SLCO1B3: variants seen among roughly 807,000 people sequenced by gnomAD.
SLCO1B3 encodes the protein liver-specific organic anion transporter 2.
A neutral mutation model predicts 71.8 loss-of-function variants in SLCO1B3; 72 were observed. The ratio of observed to expected loss-of-function variants is 1.00; its 90% CI spans 0.83 to 1.22. The LOEUF is 1.22. SLCO1B3 is among the 50% of genes most tolerant of loss of function. The pLI is 0.00. For missense variants in SLCO1B3, 911 were observed against 819.7 expected, an observed-to-expected ratio of 1.11 and a Z score of -1.36; for synonymous variants, 298 against 278.4, an observed-to-expected ratio of 1.07 and a Z score of -0.70.
rs1157240613 is a variant in SLCO1B3 at position 20,862,965 on chromosome 12, A to G, written c.727+111A>G. 32 of 545,332 alleles carry G rather than the reference A, an allele frequency of 5.9e-5. No individual in the cohort carries two copies. The East Asian group carries it at 9.9e-4, about 17-fold the overall frequency. 33.8% of individuals were successfully genotyped at this position (545,332 alleles called of 1,614,324 possible). A position where few individuals can be genotyped will look rare whatever the true frequency, so the allele number is the denominator to read the frequency against. On this transcript the variant is annotated intron_variant, in intron 8 of 15. Coordinates refer to ENST00000381545, the MANE Select transcript of SLCO1B3 (RefSeq NM_019844.4). ...ATAGTTCTTTGTTTACTATTTTTCA[A>G]GAGTTACAAGTAGGAAATAAATCCA...
At chr12:20,836,587 A>G in intron 3 of SLCO1B3, among the ~76,000 whole-genome samples, 1 of 152,116 alleles carries the variant, frequency 6.6e-6, no homozygotes, top group East Asian at 1.9e-4. Flanking sequence ...TGTTTCTTAA[A>G]TGTTTGGTAT....
chr12:20,830,642 C>T (rs1000391239), intron 3 of SLCO1B3, among the ~76,000 whole-genome samples: 3 of 152,100 alleles, frequency 2.0e-5, no homozygotes, highest in South Asian at 2.1e-4. Context: ...TTTCTTTTGG[C>T]ATAGTAAATT....
chr12:20,817,622 C>G (rs11836444), intron 3 of SLCO1B3, among the ~76,000 whole-genome samples: 59 of 151,914 alleles, frequency 3.9e-4, no homozygotes, highest in Non-Finnish European at 6.5e-4. Flanking sequence ...GAGTCTCGCT[C>G]TGTCACCCAG....
In SLCO1B3 at chr12:20,916,371, A is replaced by T; in HGVS notation, c.*124A>T. The T allele has an allele frequency of 1.1e-6, 1 of 871,000 alleles. No individual in the cohort carries two copies. Among genetic ancestry groups the T allele is most frequent in the Admixed American group, 2.5e-5 (1 of 39,628 alleles). The allele number at this position is 871,000 out of a possible 1,614,324, so 54.0% of individuals were successfully genotyped here. ...TATGCATCTATAATAAACTATAAAA[A>T]ATGGGAGTACCCATGGTTAGGATAT... is the stretch of plus-strand genomic sequence containing the variant. On this transcript the variant is annotated 3_prime_UTR_variant, in exon 16 of 16. Transcript: ENST00000381545.
chr12:20,860,673 T>C (rs1469725), intron 5 of SLCO1B3, among the ~76,000 whole-genome samples: 108,824 of 150,098 alleles, frequency 0.73, 42,077 homozygotes, highest in South Asian at 0.9. Context: ...CCATCTTTGA[T>C]GGTAACTCAA....
chr12:20,870,874 T>G (rs969141750), intron 8 of SLCO1B3, among the ~76,000 whole-genome samples: 1 of 152,184 alleles, frequency 6.6e-6, no homozygotes, highest in Non-Finnish European at 1.5e-5. Flanking sequence ...ATTCCCAGAT[T>G]TTTGAGGGCT....
chr12:20,873,359 TTTTG>T (rs960869470), intron 8 of SLCO1B3, among the ~76,000 whole-genome samples: 1 of 151,802 alleles, frequency 6.6e-6, no homozygotes, highest in African/African-American at 2.4e-5. Flanking sequence ...TTGTTTTTGT[TTTTG>T]TTTGTTTTTG....
intron 3 of SLCO1B3, among the ~76,000 whole-genome samples, chr12:20,849,711 T>TCACACA (rs146186543): frequency 0.014 from 1,827 of 126,326 alleles, 43 homozygotes; most frequent in African/African-American, 0.043. Flanking sequence ...TAGTAGAAAA[T>TCACACA]CACACACACA....
At chr12:20,859,962 T>C (rs1043475639) in intron 5 of SLCO1B3, among the ~76,000 whole-genome samples, 4 of 147,832 alleles carry the variant, frequency 2.7e-5, no homozygotes, top group Admixed American at 2.0e-4. Context: ...TCTTTTTTTT[T>C]TTTTTTTTTT....
At chr12:20,844,439 A>G (rs964946018) in intron 3 of SLCO1B3, among the ~76,000 whole-genome samples, 2 of 151,430 alleles carry the variant, frequency 1.3e-5, no homozygotes, top group Non-Finnish European at 1.5e-5. Flanking sequence ...GGTGGCATAT[A>G]CCCCTGTAGT....
chr12:20,853,366 T>A (rs1865060969), intron 3 of SLCO1B3, among the ~76,000 whole-genome samples: 1 of 151,984 alleles, frequency 6.6e-6, no homozygotes, highest in Non-Finnish European at 1.5e-5. Flanking sequence ...TGGTTACTGG[T>A]TTTATCTTTT....
At chr12:20,816,599 C>T (rs1207919771) in intron 3 of SLCO1B3, among the ~76,000 whole-genome samples, 1 of 152,164 alleles carries the variant, frequency 6.6e-6, no homozygotes, top group Non-Finnish European at 1.5e-5. Flanking sequence ...CATTCATCTG[C>T]TGATGCACAC....
intron 12 of SLCO1B3, 76 bp downstream of exon 12, chr12:20,881,096 C>A: frequency 2.9e-6 from 3 of 1,048,086 alleles, no homozygotes; most frequent in South Asian, 1.7e-5. Flanking sequence ...CTTATCAAAT[C>A]TTCCTATAAC....
chr12:20,813,323 G>A (rs1000893187), intron 1 of SLCO1B3, among the ~76,000 whole-genome samples: 8 of 152,132 alleles, frequency 5.3e-5, no homozygotes, highest in Admixed American at 4.6e-4. Flanking sequence ...TAGAAAATTT[G>A]TCTAAACACT....
At chr12:20,847,860 T>A (rs1487385302) in intron 3 of SLCO1B3, among the ~76,000 whole-genome samples, 1 of 151,876 alleles carries the variant, frequency 6.6e-6, no homozygotes, top group African/African-American at 2.4e-5. Flanking sequence ...CACCACAAAT[T>A]TGATGAAAGA....
intron 15 of SLCO1B3, among the ~76,000 whole-genome samples, chr12:20,911,178 A>G (rs1866366743): frequency 6.6e-6 from 1 of 152,156 alleles, no homozygotes; most frequent in Non-Finnish European, 1.5e-5. Flanking sequence ...ATTTTGTCAA[A>G]TGCATTTTCT....
chr12:20,883,561 C>T lies in SLCO1B3; in HGVS notation c.1641C>T (p.Phe547=). 1 of 1,601,126 alleles carries T rather than the reference C, an allele frequency of 6.2e-7. No individual in the cohort carries two copies. Among genetic ancestry groups the T allele is most frequent in the Non-Finnish European group, 8.5e-7 (1 of 1,175,700 alleles). ...CAATTCAAGTCATAAACTCTTTGTT[C>T]TCTGCAACAGGAGGTACCACATTTA... ...YVAIQVINSL[F]SATGGTTFIL... Residue 547 remains phenylalanine, a synonymous_variant, in exon 13 of 16, where the codon TTC becomes TTT. Transcript: ENST00000381545.
chr12:20,864,527 A>G (rs1445778518), intron 8 of SLCO1B3, among the ~76,000 whole-genome samples: 2 of 152,294 alleles, frequency 1.3e-5, no homozygotes, highest in East Asian at 3.9e-4. Flanking sequence ...ACCTGATGAT[A>G]TGTTTTATAT....
chr12:20,879,763 A>G, intron 11 of SLCO1B3, 132 bp downstream of exon 11: 1 of 665,590 alleles, frequency 1.5e-6, no homozygotes, highest in African/African-American at 1.9e-5. Flanking sequence ...CAATTTTCAA[A>G]TTCTTAAAAT....
Sources: allele counts gnomAD v4.1 joint callset (sites outside exome capture counted in the v4.1 genomes callset), GRCh38; gene constraint gnomAD v4.1.1; transcripts MANE v1.5; gene names NCBI Gene and HGNC (gene_info 2026-07-23, HGNC 2026-07-21).